The following RAD51B variants were observed in gnomAD, a reference collection of about 807,000 sequenced individuals.
The protein encoded by RAD51B is DNA repair protein RAD51 homolog 2.
RAD51B carries 38 observed loss-of-function variants against 42.2 expected under a neutral mutation model. That is an observed-to-expected ratio of 0.90 (90% confidence interval 0.70 to 1.18). The LOEUF (loss-of-function observed/expected upper bound fraction) is 1.18. Ranked by LOEUF, RAD51B falls within the 50% of genes most tolerant of loss-of-function variation. The pLI is 0.00. For synonymous variants in RAD51B, 154 were observed against 145.2 expected, an observed-to-expected ratio of 1.06 and a Z score of -0.43; for missense variants, 373 against 400.7, an observed-to-expected ratio of 0.93 and a Z score of 0.59.
At chr14:67,860,850 T>C (rs535805796) in intron 4 of RAD51B, among the ~76,000 whole-genome samples, 20 of 152,334 alleles carry the variant, frequency 1.3e-4, no homozygotes, top group Non-Finnish European at 2.5e-4. Context: ...ATGTCAGATA[T>C]GCAAAGAGAG....
chr14:68,571,847 G>A (rs1889722450), intron 10 of RAD51B, among the ~76,000 whole-genome samples: 1 of 152,004 alleles, frequency 6.6e-6, no homozygotes, highest in Non-Finnish European at 1.5e-5. Context: ...CTTGGCTCAG[G>A]TCCTCACCTG....
chr14:68,468,652 A>T (rs904974961), intron 10 of RAD51B: 1 of 330,450 alleles, frequency 3.0e-6, no homozygotes, highest in Non-Finnish European at 6.0e-6. Flanking sequence ...CTAAAGAACC[A>T]TCTGGGTTGG....
chr14:68,477,835 C>A lies in RAD51B; in HGVS notation c.*171C>A. 1 of 1,443,444 alleles carries A rather than the reference C, an allele frequency of 6.9e-7. No individual in the cohort carries two copies. The highest frequency in any genetic ancestry group is 9.1e-7 in the Non-Finnish European group (1 of 1,098,692). 89.4% of individuals were successfully genotyped at this position (1,443,444 alleles called of 1,614,324 possible). ...AAACCATTGAGCTAGCGATTTCAGA[C>A]CTAGCAGGGAAGGTGAAGATGAAGA... On this transcript the variant is annotated 3_prime_UTR_variant, in exon 11 of 11. Transcript: ENST00000471583.
At chr14:67,965,397 C>T (rs1566981916) in intron 7 of RAD51B, among the ~76,000 whole-genome samples, 1 of 151,920 alleles carries the variant, frequency 6.6e-6, no homozygotes, top group Non-Finnish European at 1.5e-5. Context: ...CATTTCAGTT[C>T]TTGGAGAGCT....
intron 10 of RAD51B, among the ~76,000 whole-genome samples, chr14:68,564,778 G>A (rs533965349): frequency 6.6e-6 from 1 of 152,220 alleles, no homozygotes; most frequent in Non-Finnish European, 1.5e-5. Context: ...GAGGTGGATG[G>A]TGGGCTCCAG....
chr14:67,843,003 C>T (rs191102110), intron 4 of RAD51B, among the ~76,000 whole-genome samples: 5 of 152,106 alleles, frequency 3.3e-5, no homozygotes, highest in Admixed American at 1.3e-4. Context: ...ACTAGCCCTG[C>T]GTCTCAGGAA....
chr14:68,493,059 A>G lies in RAD51B; in HGVS notation c.1036+24809A>G, dbSNP rs148397707. 5.6e-3 allele frequency among the ~76,000 whole-genome samples: 854 copies of G among 152,154 alleles called. 3 individuals carry two copies. Among genetic ancestry groups the G allele is most frequent in the Middle Eastern group, 0.017 (5 of 294 alleles). ...TGAAGCAGAGCTGTCTCCCAGCGACACCGGAGATGAGGGGAGGGGTCTCTT... is the reference window on the plus strand; with the variant it reads ...TGAAGCAGAGCTGTCTCCCAGCGACGCCGGAGATGAGGGGAGGGGTCTCTT... On this transcript the variant is annotated intron_variant, in intron 10 of 10. Transcript: ENST00000487270.
intron 9 of RAD51B, among the ~76,000 whole-genome samples, chr14:68,465,951 A>ATAAAT (rs1555414326): frequency 8.8e-4 from 80 of 90,508 alleles, no homozygotes; most frequent in African/African-American, 1.2e-3. Context: ...AAAAAAAAAA[A>ATAAAT]AAATAAATAA....
chr14:68,226,862 G>A (rs569947054), intron 7 of RAD51B, among the ~76,000 whole-genome samples: 15 of 152,282 alleles, frequency 9.9e-5, no homozygotes, highest in African/African-American at 3.6e-4. Flanking sequence ...TACTGAGCTA[G>A]GTCTTTGATA....
Position 68,291,835 on chromosome 14 carries a change from T to C in RAD51B, c.757-49T>C, listed in dbSNP as rs34573256. 5,158 of 1,414,876 alleles carry C rather than the reference T, an allele frequency of 3.6e-3. 139 individuals are homozygous for C. The African/African-American group carries it at 0.062, about 17-fold the overall frequency. The allele number at this position is 1,414,876 out of a possible 1,614,324, so 87.6% of individuals were successfully genotyped here. A position where few individuals can be genotyped will look rare whatever the true frequency, so the allele number is the denominator to read the frequency against. ...CTCTAATAATTAATTTGGTCTTCCCTGTCTTTCTTCTCCCTTGCCCCCTAC... is the reference window on the plus strand; with the variant it reads ...CTCTAATAATTAATTTGGTCTTCCCCGTCTTTCTTCTCCCTTGCCCCCTAC... On this transcript the variant is annotated intron_variant, in intron 7 of 10. Coordinates refer to ENST00000471583, the MANE Select transcript of RAD51B (RefSeq NM_133510.4).
At chr14:68,540,062 C>A in intron 10 of RAD51B, 1 of 467,006 alleles carries the variant, frequency 2.1e-6, no homozygotes, top group Non-Finnish European at 2.9e-6. Flanking sequence ...CGGTGAGCAG[C>A]TGTACCAAAG....
chr14:68,316,946 G>A (rs1001202555), intron 8 of RAD51B, among the ~76,000 whole-genome samples: 23 of 152,132 alleles, frequency 1.5e-4, no homozygotes, highest in African/African-American at 2.2e-4. Context: ...TTAGAACTTC[G>A]TTGGAGTTAT....
chr14:68,532,018 G>C (rs762762288), intron 10 of RAD51B, among the ~76,000 whole-genome samples: 3 of 152,046 alleles, frequency 2.0e-5, no homozygotes, highest in Non-Finnish European at 4.4e-5. Context: ...CAACAATAGA[G>C]AATATATGTT....
intron 7 of RAD51B, among the ~76,000 whole-genome samples, chr14:68,199,215 T>C (rs778120924): frequency 6.6e-6 from 1 of 152,232 alleles, no homozygotes; most frequent in Admixed American, 6.5e-5. Flanking sequence ...ACTCCAACTG[T>C]GTCCAGACCA....
At chr14:67,884,141 G>A (rs1345144408) in intron 5 of RAD51B, among the ~76,000 whole-genome samples, 1 of 152,128 alleles carries the variant, frequency 6.6e-6, no homozygotes, top group Admixed American at 6.5e-5. Flanking sequence ...AACATTTAGA[G>A]AAACAAAATT....
intron 10 of RAD51B, chr14:68,563,619 G>T: frequency 5.1e-6 from 5 of 985,434 alleles, no homozygotes; most frequent in Non-Finnish European, 6.0e-6. Context: ...CCTGCAAGGG[G>T]TGAGATTTGG....
At chr14:68,358,524 T>C (rs966192222) in intron 8 of RAD51B, among the ~76,000 whole-genome samples, 1 of 152,262 alleles carries the variant, frequency 6.6e-6, no homozygotes, top group Non-Finnish European at 1.5e-5. Context: ...TTGCCTACAC[T>C]GCAGCTAATT....
intron 10 of RAD51B, among the ~76,000 whole-genome samples, chr14:68,647,833 C>T (rs1892592462): frequency 6.6e-6 from 1 of 151,870 alleles, no homozygotes; most frequent in Admixed American, 6.6e-5. Flanking sequence ...CATGCACCAC[C>T]ATTCCTGGCT....
chr14:68,307,469 T>A (rs182317892), intron 8 of RAD51B, among the ~76,000 whole-genome samples: 18 of 152,216 alleles, frequency 1.2e-4, no homozygotes, highest in Admixed American at 9.8e-4. Context: ...TGATATGGAG[T>A]CTTTCAGCTG....
Sources: allele counts gnomAD v4.1 joint callset (sites outside exome capture counted in the v4.1 genomes callset), GRCh38; gene constraint gnomAD v4.1.1; transcripts MANE v1.5; gene names NCBI Gene and HGNC (gene_info 2026-07-23, HGNC 2026-07-21).